The following PPP4R3B variants were observed in gnomAD, a reference collection of about 807,000 sequenced individuals.
PPP4R3B encodes protein phosphatase 4 regulatory subunit 3B.
Under a neutral mutation model 95.4 loss-of-function variants are expected in PPP4R3B, and 52 were observed. The observed-to-expected ratio is 0.54, with a 90% confidence interval of 0.44 to 0.69. PPP4R3B has a LOEUF of 0.69. PPP4R3B is among the 30% of genes least tolerant of loss of function. The pLI is 0.00. For missense variants in PPP4R3B, 1,003 were observed against 1,005.9 expected (o/e 1.00, Z 0.04); for synonymous variants, 407 against 343.9 (o/e 1.18, Z -2.03).
At chr2:55,594,659 T>C (rs1241786476) in intron 4 of PPP4R3B, among the ~76,000 whole-genome samples, 1 of 152,224 alleles carries the variant, frequency 6.6e-6, no homozygotes, top group Non-Finnish European at 1.5e-5. Flanking sequence ...TGAGCTTCTG[T>C]TCCTGGTCCT....
At chr2:55,610,990 C>A (rs1238292276) in intron 2 of PPP4R3B, among the ~76,000 whole-genome samples, 3 of 152,040 alleles carry the variant, frequency 2.0e-5, no homozygotes, top group African/African-American at 7.3e-5. Context: ...CTCAGATTCC[C>A]AAGCAGCTGG....
chr2:55,601,904 C>T (rs912023781), intron 3 of PPP4R3B, among the ~76,000 whole-genome samples: 27 of 152,020 alleles, frequency 1.8e-4, no homozygotes, highest in Non-Finnish European at 1.5e-5. Flanking sequence ...ATAGAAAAAC[C>T]ACTGGCCCAT....
chr2:55,612,584 T>C (rs905099196), intron 2 of PPP4R3B, among the ~76,000 whole-genome samples: 5 of 152,070 alleles, frequency 3.3e-5, no homozygotes, highest in Admixed American at 6.5e-5. Flanking sequence ...TTGTAATAAA[T>C]TTTTTAAAGG....
At chr2:55,569,568 A>C (rs566319515) in intron 12 of PPP4R3B, among the ~76,000 whole-genome samples, 2 of 152,098 alleles carry the variant, frequency 1.3e-5, no homozygotes, top group Non-Finnish European at 2.9e-5. Context: ...GGTGTAAGCT[A>C]TCTCTCTCTC....
At chr2:55,607,377 CCT>C (rs1693564895) in intron 2 of PPP4R3B, among the ~76,000 whole-genome samples, 1 of 152,196 alleles carries the variant, frequency 6.6e-6, no homozygotes, top group African/African-American at 2.4e-5. Flanking sequence ...CGTTGTTTTA[CCT>C]GTTTCCAACC....
Position 55,578,361 on chromosome 2 carries a change from AGT to A in PPP4R3B, c.1469-21_1469-20del, listed in dbSNP as rs1378938136. ...AAAAAATCTGAAAAAAAATATGGCAAGTTAGTTTTGATAAAGCCAACAGGGAG... is the reference window on the plus strand; with the variant it reads ...AAAAAATCTGAAAAAAAATATGGCAATAGTTTTGATAAAGCCAACAGGGAG... On this transcript the variant is annotated intron_variant, in intron 9 of 16. Coordinates refer to ENST00000616407, the MANE Select transcript of PPP4R3B (RefSeq NM_001122964.3). The A allele has an allele frequency of 2.2e-6, 3 of 1,348,284 alleles. No individual in the cohort carries two copies. The highest frequency in any genetic ancestry group is 2.9e-6 in the Non-Finnish European group (3 of 1,043,776). 83.5% of individuals were successfully genotyped at this position (1,348,284 alleles called of 1,614,324 possible). A position where few individuals can be genotyped will look rare whatever the true frequency, so the allele number is the denominator to read the frequency against.
At chr2:55,555,643 A>G (rs1574662304) in intron 16 of PPP4R3B, among the ~76,000 whole-genome samples, 1 of 152,362 alleles carries the variant, frequency 6.6e-6, no homozygotes, top group East Asian at 1.9e-4. Flanking sequence ...ATACACACGT[A>G]TATGAAATGA....
chr2:55,606,186 GCTT>G (rs1320215348), intron 2 of PPP4R3B, among the ~76,000 whole-genome samples: 2 of 151,720 alleles, frequency 1.3e-5, no homozygotes, highest in Admixed American at 6.6e-5. Flanking sequence ...AGTTTAATTC[GCTT>G]ATTATATACA....
chr2:55,594,579 T>G (rs1342111471), intron 4 of PPP4R3B, among the ~76,000 whole-genome samples: 1 of 152,166 alleles, frequency 6.6e-6, no homozygotes, highest in African/African-American at 2.4e-5. Context: ...TATAAAAAAG[T>G]ATTTACGATT....
In PPP4R3B at chr2:55,548,001, G is replaced by A. The variant is rs1684888904; in HGVS notation, c.*1910C>T. 1 of 152,206 alleles carries A rather than the reference G, an allele frequency of 6.6e-6. No homozygotes were observed. Among genetic ancestry groups the A allele is most frequent in the African/African-American group, 2.4e-5 (1 of 41,468 alleles). 9.4% of individuals were successfully genotyped at this position (152,206 alleles called of 1,614,324 possible). A position where few individuals can be genotyped will look rare whatever the true frequency, so the allele number is the denominator to read the frequency against. On this transcript the variant is annotated 3_prime_UTR_variant, in exon 17 of 17. Transcript: ENST00000616407. Reference sequence around the variant, plus strand: ...TACTAAAAGCTGAGAGATGGGTCTCGATAAAATTTGATGATTCAAAGAAAG... The same window carrying A: ...TACTAAAAGCTGAGAGATGGGTCTCAATAAAATTTGATGATTCAAAGAAAG...
At chr2:55,591,825 C>T (rs1466452997) in intron 4 of PPP4R3B, 1 of 196,428 alleles carries the variant, frequency 5.1e-6, no homozygotes, top group Non-Finnish European at 9.2e-6. Flanking sequence ...TAAAAGCACT[C>T]TGTTCCAATA....
rs770179049 is a variant in PPP4R3B, at chr2:55,568,323, A to G, written c.1806T>C (p.Asp602=). 1.2e-6 allele frequency: 2 copies of G among 1,605,930 alleles called. No individual in the cohort carries two copies. Among genetic ancestry groups the G allele is most frequent in the Non-Finnish European group, 1.7e-6 (2 of 1,177,072 alleles). Residue 602 remains aspartate, a synonymous_variant, in exon 13 of 17, where the codon GAT becomes GAC. Transcript: ENST00000616407. ...RFMRRIIGLK[D]EFYNRYITKG... is the part of the protein sequence containing the mutation. ...TGGTGATGTAACGATTATAAAATTC[A>G]TCTTTAAGTCCAATTATCCGCCTCA... is the stretch of plus-strand genomic sequence containing the variant.
intron 2 of PPP4R3B, among the ~76,000 whole-genome samples, chr2:55,609,130 C>T (rs745420777): frequency 1.3e-5 from 2 of 152,174 alleles, no homozygotes; most frequent in Non-Finnish European, 2.9e-5. Flanking sequence ...ATAGCTATTA[C>T]CTCAAAGGAG....
chr2:55,569,568 ATCTC>A (rs942155988), intron 12 of PPP4R3B, among the ~76,000 whole-genome samples: 4 of 152,098 alleles, frequency 2.6e-5, no homozygotes, highest in African/African-American at 4.8e-5. Flanking sequence ...GGTGTAAGCT[ATCTC>A]TCTCTCTTTC....
intron 12 of PPP4R3B, among the ~76,000 whole-genome samples, chr2:55,569,457 T>C (rs1687714670): frequency 6.6e-6 from 1 of 152,218 alleles, no homozygotes; most frequent in South Asian, 2.1e-4. Flanking sequence ...GTCACGCTCC[T>C]AGTCCACCTT....
chr2:55,601,595 TG>T (rs1462204436), intron 3 of PPP4R3B, among the ~76,000 whole-genome samples: 1 of 152,120 alleles, frequency 6.6e-6, no homozygotes, highest in Non-Finnish European at 1.5e-5. Flanking sequence ...TTAGCCAGGA[TG>T]GTCTTGATTT....
intron 2 of PPP4R3B, among the ~76,000 whole-genome samples, chr2:55,607,045 G>C (rs927733406): frequency 6.6e-6 from 1 of 151,988 alleles, no homozygotes; most frequent in African/African-American, 2.4e-5. Flanking sequence ...TTTGAGTTAG[G>C]ATAGTTTAAG....
At position 55,615,488 on chromosome 2, in the gene PPP4R3B, G is replaced by T; in HGVS notation, c.161C>A (p.Ser54Ter). 6.3e-7 allele frequency: 1 copy of T among 1,589,526 alleles called. No individual in the cohort carries two copies. Among genetic ancestry groups the T allele is most frequent in the Non-Finnish European group, 8.6e-7 (1 of 1,167,024 alleles). ...ATATGCAGTATTTGGATTTATCTTTGATTCCAAGAGTAGTGATCCTGAAAG... is the reference window on the plus strand; with the variant it reads ...ATATGCAGTATTTGGATTTATCTTTTATTCCAAGAGTAGTGATCCTGAAAG... Reference protein sequence around the residue: ...AESDGSLLLESKINPNTAYQK... With the variant: ...AESDGSLLLE Residue 54 changes from serine to a stop codon, truncating the protein, a stop_gained, in exon 2 of 17, where the codon TCA becomes TAA. Coordinates refer to ENST00000616407, the MANE Select transcript of PPP4R3B (RefSeq NM_001122964.3). LOFTEE classifies it high-confidence loss of function.
At chr2:55,557,811 G>A (rs1208752091) in intron 16 of PPP4R3B, among the ~76,000 whole-genome samples, 2 of 151,708 alleles carry the variant, frequency 1.3e-5, no homozygotes, top group East Asian at 3.9e-4. Context: ...CTCCTTTTTG[G>A]GGAAAAAGGA....
Sources: gnomAD v4.1 joint callset for allele counts (sites outside exome capture counted in the v4.1 genomes callset) on GRCh38, gnomAD v4.1.1 for gene constraint, MANE v1.5 for transcripts, NCBI Gene and HGNC (gene_info 2026-07-23, HGNC 2026-07-21) for gene names.